The following BACH1 variants were observed in gnomAD, a reference collection of about 807,000 sequenced individuals.
BACH1 encodes BTB domain and CNC homolog 1.
Under a neutral mutation model 52.9 loss-of-function variants are expected in BACH1, and 35 were observed. That is an observed-to-expected ratio of 0.66 (90% CI 0.51 to 0.88). The LOEUF (loss-of-function observed/expected upper bound fraction) is 0.88, where lower values mean the gene tolerates loss of function less well. Among genes scored for constraint, BACH1 ranks in the 40% least tolerant of loss-of-function variants. The probability of loss-of-function intolerance (pLI) is 0.00; values close to 1 mark genes in which losing one functional copy is unlikely to be tolerated. For missense variants in BACH1, 808 were observed against 872.6 expected, an observed-to-expected ratio of 0.93 and a Z score of 0.93; for synonymous variants, 321 against 319.6, an observed-to-expected ratio of 1.00 and a Z score of -0.05.
intron 1 of BACH1, among the ~76,000 whole-genome samples, chr21:29,304,057 G>A (rs2088628893): frequency 6.6e-6 from 1 of 151,840 alleles, no homozygotes; most frequent in Non-Finnish European, 1.5e-5. Flanking sequence ...AACACTTTTT[G>A]CAGTGCCTTA....
intron 4 of BACH1, among the ~76,000 whole-genome samples, chr21:29,338,490 T>C (rs1305748997): frequency 5.9e-5 from 9 of 152,108 alleles, no homozygotes; most frequent in African/African-American, 2.2e-4. Context: ...TCCTCTCATA[T>C]CAGCCTTCTG....
intron 1 of BACH1, among the ~76,000 whole-genome samples, chr21:29,319,184 C>A (rs1406455072): frequency 6.6e-6 from 1 of 152,160 alleles, no homozygotes; most frequent in Non-Finnish European, 1.5e-5. Context: ...GCTTAATAAT[C>A]TTGCCATTGA....
At chr21:29,352,107 T>G (rs1016751188) in intron 2 of BACH1, among the ~76,000 whole-genome samples, 4 of 150,808 alleles carry the variant, frequency 2.7e-5, no homozygotes, top group African/African-American at 9.8e-5. Flanking sequence ...CAGGCTGGAG[T>G]GCAGTGGCGC....
At chr21:29,331,386 C>G (rs2088980524) in intron 4 of BACH1, among the ~76,000 whole-genome samples, 1 of 152,162 alleles carries the variant, frequency 6.6e-6, no homozygotes, top group South Asian at 2.1e-4. Context: ...AAAAGCGAAA[C>G]AAGACTATTC....
rs757241099 is a variant in BACH1, at chr21:29,339,421, G to A, written c.1777-2978G>A. On this transcript the variant is annotated intron_variant, in intron 4 of 4. Coordinates refer to ENST00000286800, the MANE Select transcript of BACH1 (RefSeq NM_001186.4). Reference sequence around the variant, plus strand: ...CATTTGCAGATTTCTCTGAACTGCCGTTCAGAGGTTTTACTTACTAAGGAA... The same window carrying A: ...CATTTGCAGATTTCTCTGAACTGCCATTCAGAGGTTTTACTTACTAAGGAA... Among the ~76,000 whole-genome samples the A allele has an allele frequency of 5.3e-5, 8 of 152,074 alleles. No homozygotes were observed. The East Asian group carries it at 5.8e-4, about 11-fold the overall frequency.
intron 2 of BACH1, among the ~76,000 whole-genome samples, chr21:29,353,288 A>T (rs1030101243): frequency 1.3e-5 from 2 of 152,218 alleles, no homozygotes; most frequent in African/African-American, 2.4e-5. Flanking sequence ...GAAATAACCA[A>T]TCTTGTATGG....
At chr21:29,356,870 T>C (rs900953680) in intron 2 of BACH1, among the ~76,000 whole-genome samples, 5 of 148,130 alleles carry the variant, frequency 3.4e-5, no homozygotes, top group Non-Finnish European at 6.0e-5. Flanking sequence ...TTCTCTCTCT[T>C]TGACTTCTTC....
chr21:29,313,684 T>G (rs2088753994), intron 1 of BACH1, among the ~76,000 whole-genome samples: 1 of 152,174 alleles, frequency 6.6e-6, no homozygotes, highest in Admixed American at 6.5e-5. Context: ...GAAGTAATGT[T>G]TCTGAGTAAT....
chr21:29,301,019 T>A lies in BACH1; in HGVS notation c.-61+2066T>A, dbSNP rs149769200. 5.9e-3 allele frequency among the ~76,000 whole-genome samples: 901 copies of A among 152,348 alleles called. 8 individuals carry two copies. The highest frequency in any genetic ancestry group is 0.021 in the African/African-American group (865 of 41,572). ...ACAACCCAAATATTTATATGAGTCC[T>A]CATTGCAAACAAAGTTTAGGAATGG... is the stretch of plus-strand genomic sequence containing the variant. On this transcript the variant is annotated intron_variant, in intron 1 of 4. Coordinates refer to ENST00000286800, the MANE Select transcript of BACH1 (RefSeq NM_001186.4).
intron 4 of BACH1, among the ~76,000 whole-genome samples, chr21:29,341,806 T>C (rs1295230879): frequency 1.3e-5 from 2 of 152,222 alleles, no homozygotes; most frequent in African/African-American, 4.8e-5. Context: ...TTGGAAAACA[T>C]TTAGCACAAT....
At chr21:29,312,466 A>T (rs1601342971) in intron 1 of BACH1, among the ~76,000 whole-genome samples, 1 of 152,220 alleles carries the variant, frequency 6.6e-6, no homozygotes, top group African/African-American at 2.4e-5. Context: ...AAGACGGGAA[A>T]GAAGTAAAAT....
At chr21:29,302,639 G>A (rs1194988745) in intron 1 of BACH1, among the ~76,000 whole-genome samples, 5 of 152,172 alleles carry the variant, frequency 3.3e-5, no homozygotes, top group Non-Finnish European at 5.9e-5. Context: ...GCGTTAATAC[G>A]GGGTAAGTGG....
At chr21:29,334,117 T>A (rs573183632) in intron 4 of BACH1, among the ~76,000 whole-genome samples, 153 of 151,972 alleles carry the variant, frequency 1.0e-3, no homozygotes, top group Admixed American at 1.4e-3. Flanking sequence ...TTTTATTTTT[T>A]TTTTTGAGGC....
At chr21:29,337,888 C>T (rs561615389) in intron 4 of BACH1, among the ~76,000 whole-genome samples, 64 of 152,148 alleles carry the variant, frequency 4.2e-4, no homozygotes, top group African/African-American at 1.5e-3. Context: ...GAGATCATGC[C>T]ATTGCACTCC....
chr21:29,303,768 CCT>C (rs1190303264), intron 1 of BACH1, among the ~76,000 whole-genome samples: 2 of 152,160 alleles, frequency 1.3e-5, no homozygotes, highest in African/African-American at 4.8e-5. Flanking sequence ...GAATATCACT[CCT>C]CTAGAACAGG....
intron 1 of BACH1, chr21:29,299,374 C>T (rs568170566): frequency 1.3e-5 from 2 of 152,448 alleles, no homozygotes; most frequent in South Asian, 4.1e-4. Context: ...GCTGGGGCCC[C>T]GTATTGTCCT....
chr21:29,360,608 G>A (rs2089265284), intron 2 of BACH1, among the ~76,000 whole-genome samples: 1 of 152,136 alleles, frequency 6.6e-6, no homozygotes, highest in Non-Finnish European at 1.5e-5. Context: ...ACTTTGGGAG[G>A]CCGAGGTGGG....
At chr21:29,352,717 G>GTTT in intron 2 of BACH1, 2 of 139,356 alleles carry the variant, frequency 1.4e-5, no homozygotes, top group Non-Finnish European at 3.1e-5. Context: ...TGTTGTTTTT[G>GTTT]TTTTTTTTTT....
chr21:29,348,245 G>A (rs1403487843), downstream of BACH1, among the ~76,000 whole-genome samples: 2 of 152,106 alleles, frequency 1.3e-5, no homozygotes, highest in African/African-American at 2.4e-5. Flanking sequence ...TGTTCCTACC[G>A]TGCTCCAGAA....
Sources: gnomAD v4.1 joint callset for allele counts (sites outside exome capture counted in the v4.1 genomes callset) on GRCh38, gnomAD v4.1.1 for gene constraint, MANE v1.5 for transcripts, NCBI Gene and HGNC (gene_info 2026-07-23, HGNC 2026-07-21) for gene names.